Variants in SH3RF2 observed in about 807,000 individuals in gnomAD.
SH3RF2 encodes the protein SH3 domain containing ring finger 2.
SH3RF2 carries 43 observed loss-of-function variants against 59.0 expected under a neutral mutation model. The ratio of observed to expected loss-of-function variants is 0.73; its 90% CI spans 0.57 to 0.94. The LOEUF is 0.94. SH3RF2 is among the 40% of genes least tolerant of loss of function. SH3RF2 has a pLI of 0.00. For missense variants in SH3RF2, 930 were observed against 940.1 expected (o/e 0.99, Z 0.14); for synonymous variants, 391 against 391.5 (o/e 1.00, Z 0.01).
downstream of SH3RF2, among the ~76,000 whole-genome samples, chr5:146,066,882 C>G (rs1303456756): frequency 1.3e-5 from 2 of 152,076 alleles, no homozygotes; most frequent in Non-Finnish European, 2.9e-5. Flanking sequence ...GAAGAGTGCC[C>G]CTTTGCCCCG....
Position 146,059,990 on chromosome 5 carries a change from C to T in SH3RF2, c.1680C>T (p.Pro560=), listed in dbSNP as rs373291557. 3.5e-4 allele frequency: 564 copies of T among 1,590,998 alleles called. No homozygotes were observed. Among genetic ancestry groups the T allele is most frequent in the Non-Finnish European group, 4.6e-4 (542 of 1,167,580 alleles). ...AATTCTACCAGCCACAGGGGATCCCCTCCTCCCCCTCAGCCGTGGTGGTGG... is the reference window on the plus strand; with the variant it reads ...AATTCTACCAGCCACAGGGGATCCCTTCCTCCCCCTCAGCCGTGGTGGTGG... ...QFQFYQPQGI[P]SSPSAVVVEM... The change falls in exon 9 of 10, where the codon CCC becomes CCT. Residue 560 remains proline, a synonymous_variant. Transcript: ENST00000359120.
At chr5:145,955,682 T>C (rs1758369590) in intron 2 of SH3RF2, among the ~76,000 whole-genome samples, 1 of 152,198 alleles carries the variant, frequency 6.6e-6, no homozygotes, top group South Asian at 2.1e-4. Context: ...CTTTGTCCTG[T>C]CGGAAGGGCA....
chr5:145,938,730 G>A (rs1307244309), intron 2 of SH3RF2, among the ~76,000 whole-genome samples: 2 of 152,198 alleles, frequency 1.3e-5, no homozygotes, highest in Non-Finnish European at 2.9e-5. Context: ...GTCAGGTTTT[G>A]TTTGAATTTT....
intron 2 of SH3RF2, among the ~76,000 whole-genome samples, chr5:145,970,236 T>G (rs1759027277): frequency 6.6e-6 from 1 of 152,158 alleles, no homozygotes; most frequent in South Asian, 2.1e-4. Context: ...CAGTGTATAC[T>G]GTACCCAATT....
In SH3RF2 at chr5:146,013,931, G is replaced by A. The variant is rs148825622; in HGVS notation, c.929G>A (p.Arg310Gln). The change falls in exon 5 of 10, where the codon CGG becomes CAG. Residue 310 changes from arginine to glutamine, a missense_variant. Transcript: ENST00000359120. Reference protein sequence around the residue: ...SITTALNTLNRMVHSPSGRHM... With the variant: ...SITTALNTLNQMVHSPSGRHM... ...ACAACAGCCTTGAACACTCTCAACCGGATGGTCCATTCTCCTTCAGGGCGC... is the reference window on the plus strand; with the variant it reads ...ACAACAGCCTTGAACACTCTCAACCAGATGGTCCATTCTCCTTCAGGGCGC... 67 of 1,614,088 alleles carry A rather than the reference G, an allele frequency of 4.2e-5. 1 individual carries two copies. Among genetic ancestry groups the A allele is most frequent in the Middle Eastern group, 3.3e-4 (2 of 6,060 alleles).
At chr5:146,028,205 CACACAG>C (rs760603857) in intron 5 of SH3RF2, among the ~76,000 whole-genome samples, 1,130 of 109,456 alleles carry the variant, frequency 0.01, 12 homozygotes, top group South Asian at 0.029. Flanking sequence ...CACACACACA[CACACAG>C]AGATAATTCA....
intron 2 of SH3RF2, among the ~76,000 whole-genome samples, chr5:145,961,218 G>A (rs1758618397): frequency 8.1e-6 from 1 of 124,120 alleles, no homozygotes; most frequent in Non-Finnish European, 1.6e-5. Flanking sequence ...CAACTCCAAA[G>A]AGTTTGTAGT....
chr5:146,075,463 C>G (rs1561777802), intron 9 of SH3RF2, among the ~76,000 whole-genome samples: 1 of 152,120 alleles, frequency 6.6e-6, no homozygotes, highest in South Asian at 2.1e-4. Context: ...TGGAAATAAA[C>G]CCAGGCAATC....
chr5:145,993,150 C>T (rs1451054482), intron 2 of SH3RF2, among the ~76,000 whole-genome samples: 2 of 152,178 alleles, frequency 1.3e-5, no homozygotes, highest in Non-Finnish European at 2.9e-5. Context: ...CTTAAAGCTT[C>T]CAAAATTATC....
chr5:146,058,380 T>C (rs1046857842), intron 8 of SH3RF2, among the ~76,000 whole-genome samples: 1 of 152,060 alleles, frequency 6.6e-6, no homozygotes, highest in African/African-American at 2.4e-5. Context: ...GGCAGGAGAA[T>C]TGACTGCGTG....
At chr5:146,073,026 C>A (rs1763270187) in intron 9 of SH3RF2, among the ~76,000 whole-genome samples, 1 of 152,174 alleles carries the variant, frequency 6.6e-6, no homozygotes, top group African/African-American at 2.4e-5. Flanking sequence ...CATTCATTTT[C>A]TCATTTAATC....
At chr5:145,983,900 T>C (rs1759602452) in intron 2 of SH3RF2, among the ~76,000 whole-genome samples, 1 of 152,086 alleles carries the variant, frequency 6.6e-6, no homozygotes, top group Admixed American at 6.5e-5. Flanking sequence ...CCTAGAAAAA[T>C]ACTATATTTA....
intron 2 of SH3RF2, among the ~76,000 whole-genome samples, chr5:145,940,863 GA>G: frequency 6.6e-6 from 1 of 152,248 alleles, no homozygotes; most frequent in East Asian, 1.9e-4. Flanking sequence ...AGCCTTAGAT[GA>G]AAGACATTTG....
chr5:146,013,850 C>T lies in SH3RF2; in HGVS notation c.848C>T (p.Ser283Phe). ...TCCTCGTCCTCCAGAGGCAACACGT[C>T]TACCCTCCGTAGGGGCCCAGGGTCC... ...LVSSSSRGNT[S>F]TLRRGPGSRR... The change falls in exon 5 of 10, where the codon TCT becomes TTT. Residue 283 changes from serine to phenylalanine, a missense_variant. Coordinates refer to ENST00000359120, the MANE Select transcript of SH3RF2 (RefSeq NM_152550.4). 2 of 1,614,180 alleles carry T rather than the reference C, an allele frequency of 1.2e-6. No individual in the cohort carries two copies. Among genetic ancestry groups the T allele is most frequent in the Non-Finnish European group, 1.7e-6 (2 of 1,180,038 alleles).
intron 5 of SH3RF2, among the ~76,000 whole-genome samples, chr5:146,025,979 C>T (rs1761518274): frequency 6.6e-6 from 1 of 152,194 alleles, no homozygotes; most frequent in Admixed American, 6.5e-5. Context: ...CCTCTTTCCT[C>T]CAAGGGGAGC....
intron 4 of SH3RF2, among the ~76,000 whole-genome samples, chr5:146,007,783 C>T (rs1760708543): frequency 6.6e-6 from 1 of 152,162 alleles, no homozygotes; most frequent in African/African-American, 2.4e-5. Context: ...CTCCTAATTG[C>T]TCAGAGGGGA....
chr5:145,964,124 G>GC (rs1758754130), intron 2 of SH3RF2, among the ~76,000 whole-genome samples: 1 of 151,756 alleles, frequency 6.6e-6, no homozygotes, highest in Non-Finnish European at 1.5e-5. Flanking sequence ...AAGCCACCGT[G>GC]CCCGGCCTCT....
chr5:145,948,086 A>T (rs1192465624), intron 2 of SH3RF2, among the ~76,000 whole-genome samples: 1 of 152,190 alleles, frequency 6.6e-6, no homozygotes, highest in African/African-American at 2.4e-5. Flanking sequence ...TGTATGGAGG[A>T]CTTACTATGT....
intron 5 of SH3RF2, among the ~76,000 whole-genome samples, chr5:146,024,753 G>T (rs986130): frequency 0.05 from 7,607 of 152,152 alleles, 632 homozygotes; most frequent in African/African-American, 0.17. Flanking sequence ...GGATCCAGAT[G>T]CATTCTTCTA....
Sources: allele counts gnomAD v4.1 joint callset (sites outside exome capture counted in the v4.1 genomes callset), GRCh38; gene constraint gnomAD v4.1.1; transcripts MANE v1.5; gene names NCBI Gene and HGNC (gene_info 2026-07-23, HGNC 2026-07-21).